The following CTNNA3 variants were observed in gnomAD, a reference collection of about 807,000 sequenced individuals.
The protein encoded by CTNNA3 is catenin alpha 3, also known as catenin alpha-3.
A neutral mutation model predicts 95.7 loss-of-function variants in CTNNA3; 76 were observed. The observed-to-expected ratio is 0.79, with a 90% CI of 0.66 to 0.96. The LOEUF (loss-of-function observed/expected upper bound fraction) is 0.96, where lower values mean the gene tolerates loss of function less well. Among genes scored for constraint, CTNNA3 ranks in the 40% least tolerant of loss-of-function variants. The pLI, the probability that CTNNA3 is intolerant of heterozygous loss-of-function variation, is 0.00. For synonymous variants in CTNNA3, 431 were observed against 374.4 expected, an observed-to-expected ratio of 1.15 and a Z score of -1.74; for missense variants, 1,191 against 1,089.8, an observed-to-expected ratio of 1.09 and a Z score of -1.31.
chr10:66,396,226 T>C (rs1355869423), intron 11 of CTNNA3, among the ~76,000 whole-genome samples: 1 of 152,016 alleles, frequency 6.6e-6, no homozygotes, highest in Non-Finnish European at 1.5e-5. Flanking sequence ...GCTTTCTAAT[T>C]TAACTCTGAA....
At chr10:67,738,447 A>G (rs1841315329) in intron 1 of CTNNA3, among the ~76,000 whole-genome samples, 1 of 152,216 alleles carries the variant, frequency 6.6e-6, no homozygotes, top group African/African-American at 2.4e-5. Flanking sequence ...GTACGTCACC[A>G]TCATCAAAGA....
At chr10:66,074,340 T>G (rs1229008443) in intron 14 of CTNNA3, among the ~76,000 whole-genome samples, 2 of 151,912 alleles carry the variant, frequency 1.3e-5, no homozygotes, top group Non-Finnish European at 2.9e-5. Context: ...TTTCTTTAGG[T>G]GCACATATGG....
At chr10:66,098,620 C>A (rs1014228885) in intron 14 of CTNNA3, 1 of 152,104 alleles carries the variant, frequency 6.6e-6, no homozygotes, top group Non-Finnish European at 1.5e-5. Context: ...AAATTTTATT[C>A]TCTTTTAAAA....
chr10:67,686,733 T>C (rs951253893), intron 1 of CTNNA3, among the ~76,000 whole-genome samples: 3 of 152,148 alleles, frequency 2.0e-5, no homozygotes, highest in African/African-American at 4.8e-5. Flanking sequence ...TACTTAGGTA[T>C]GTCACTGATT....
At chr10:66,970,483 A>G (rs897929236) in intron 7 of CTNNA3, among the ~76,000 whole-genome samples, 3 of 134,132 alleles carry the variant, frequency 2.2e-5, no homozygotes, top group Non-Finnish European at 4.8e-5. Context: ...ATACTCCACA[A>G]AAGGTCTATA....
At chr10:67,024,934 C>CT (rs1473758526) in intron 7 of CTNNA3, among the ~76,000 whole-genome samples, 1 of 151,834 alleles carries the variant, frequency 6.6e-6, no homozygotes, top group Non-Finnish European at 1.5e-5. Context: ...AGTTTGAGAC[C>CT]AGCCTGACCA....
At chr10:67,085,330 C>T (rs73258412) in intron 7 of CTNNA3, among the ~76,000 whole-genome samples, 9,626 of 151,466 alleles carry the variant, frequency 0.064, 366 homozygotes, top group South Asian at 0.19. Flanking sequence ...AGAAATACTA[C>T]ATCCTATGAA....
Position 67,453,333 on chromosome 10 carries a change from T to G in CTNNA3, c.579+68509A>C, listed in dbSNP as rs545014138. Among the ~76,000 whole-genome samples the G allele has an allele frequency of 2.0e-5, 3 of 152,326 alleles. No homozygotes were observed. The East Asian group carries it at 5.8e-4, about 29-fold the overall frequency. ...GAAACATGGGTTATATAAAGAATTCTATTAAGTAGACACATAGAAATCCTT... is the reference window on the plus strand; with the variant it reads ...GAAACATGGGTTATATAAAGAATTCGATTAAGTAGACACATAGAAATCCTT... On this transcript the variant is annotated intron_variant, in intron 5 of 17. Coordinates refer to ENST00000433211, the MANE Select transcript of CTNNA3 (RefSeq NM_013266.4).
intron 9 of CTNNA3, among the ~76,000 whole-genome samples, chr10:66,718,733 G>A (rs951764010): frequency 8.6e-5 from 13 of 151,630 alleles, no homozygotes; most frequent in Admixed American, 4.6e-4. Flanking sequence ...TTTGTTCACC[G>A]ATGTACCCCA....
chr10:66,805,017 G>A (rs1349279068), intron 7 of CTNNA3, among the ~76,000 whole-genome samples: 1 of 152,114 alleles, frequency 6.6e-6, no homozygotes, highest in African/African-American at 2.4e-5. Flanking sequence ...TATGTGCTCA[G>A]CAGAGGGTGA....
intron 15 of CTNNA3, among the ~76,000 whole-genome samples, chr10:66,011,300 T>C (rs2079000677): frequency 6.6e-6 from 1 of 152,106 alleles, no homozygotes; most frequent in African/African-American, 2.4e-5. Flanking sequence ...CTCTTTCTCT[T>C]TCTTTTCTCA....
Position 66,205,831 on chromosome 10 carries a change from T to A in CTNNA3, c.1884+74639A>T, listed in dbSNP as rs1345899412. ...TGTAGCTGAGTTATTTATGTGTACA[T>A]CTTTTAACAGAACTTTTAAGAATAG... is the stretch of plus-strand genomic sequence containing the variant. On this transcript the variant is annotated intron_variant, in intron 13 of 17. Coordinates refer to ENST00000433211, the MANE Select transcript of CTNNA3 (RefSeq NM_013266.4). 2.6e-5 allele frequency among the ~76,000 whole-genome samples: 4 copies of A among 152,014 alleles called. No individual in the cohort carries two copies. The East Asian group carries it at 7.7e-4, about 29-fold the overall frequency.
chr10:67,557,648 A>C (rs1217361708), intron 3 of CTNNA3, among the ~76,000 whole-genome samples: 1 of 152,232 alleles, frequency 6.6e-6, no homozygotes, highest in Non-Finnish European at 1.5e-5. Flanking sequence ...AAGGGATCTC[A>C]GTTTCAAATA....
At chr10:67,440,162 C>A (rs74580260) in intron 5 of CTNNA3, among the ~76,000 whole-genome samples, 2,658 of 152,178 alleles carry the variant, frequency 0.017, 84 homozygotes, top group African/African-American at 0.059. Context: ...GACTGAAGAG[C>A]CCTTTGGCTT....
intron 12 of CTNNA3, among the ~76,000 whole-genome samples, chr10:66,299,720 T>C (rs759411159): frequency 6.5e-4 from 99 of 151,460 alleles, no homozygotes; most frequent in Non-Finnish European, 3.1e-4. Context: ...ACACAAAGAA[T>C]AACAGGAATG....
intron 11 of CTNNA3, among the ~76,000 whole-genome samples, chr10:66,394,499 C>A (rs2092958959): frequency 6.7e-6 from 1 of 150,238 alleles, no homozygotes; most frequent in Non-Finnish European, 1.5e-5. Flanking sequence ...CCCATTGCTT[C>A]CTCTCCCACA....
intron 12 of CTNNA3, among the ~76,000 whole-genome samples, chr10:66,326,379 A>G (rs955067024): frequency 1.5e-4 from 23 of 152,092 alleles, no homozygotes; most frequent in Middle Eastern, 3.2e-3. Flanking sequence ...CACAGGTAGT[A>G]CTTATAAATA....
intron 12 of CTNNA3, among the ~76,000 whole-genome samples, chr10:66,282,461 T>C (rs1474498639): frequency 1.3e-5 from 2 of 151,832 alleles, no homozygotes; most frequent in Admixed American, 1.3e-4. Context: ...ATGTTGGTGC[T>C]GAGTCATTCA....
At chr10:66,027,504 C>G (rs74548995) in intron 15 of CTNNA3, among the ~76,000 whole-genome samples, 3,008 of 152,184 alleles carry the variant, frequency 0.02, 37 homozygotes, top group Non-Finnish European at 0.029. Context: ...GAAATGTGCT[C>G]TCTACTGGTA....
Sources: allele counts gnomAD v4.1 joint callset (sites outside exome capture counted in the v4.1 genomes callset), GRCh38; gene constraint gnomAD v4.1.1; transcripts MANE v1.5; gene names NCBI Gene and HGNC (gene_info 2026-07-23, HGNC 2026-07-21).